RAD51B: variants seen among roughly 807,000 people sequenced by gnomAD.
The protein encoded by RAD51B is RAD51 paralog B.
In RAD51B, 38 loss-of-function variants were observed where a neutral mutation model predicts 42.2. The ratio of observed to expected loss-of-function variants is 0.90; its 90% CI spans 0.70 to 1.18. The LOEUF (loss-of-function observed/expected upper bound fraction) is 1.18, where lower values mean the gene tolerates loss of function less well. RAD51B is among the 50% of genes most tolerant of loss of function. RAD51B has a pLI of 0.00. For synonymous variants in RAD51B, 154 were observed against 145.2 expected (o/e 1.06, Z -0.43); for missense variants, 373 against 400.7 (o/e 0.93, Z 0.59).
chr14:68,431,450 G>A (rs1391124210), intron 9 of RAD51B, among the ~76,000 whole-genome samples: 2 of 152,018 alleles, frequency 1.3e-5, no homozygotes, highest in South Asian at 2.1e-4. Flanking sequence ...GTCTATTCAG[G>A]GATTCAACTT....
chr14:68,607,265 T>C (rs1891484149), intron 10 of RAD51B, among the ~76,000 whole-genome samples: 1 of 152,214 alleles, frequency 6.6e-6, no homozygotes, highest in Admixed American at 6.5e-5. Flanking sequence ...CACTTCTGTT[T>C]GCTCTCCATT....
chr14:67,850,281 C>T (rs761558174), intron 4 of RAD51B, among the ~76,000 whole-genome samples: 5 of 152,220 alleles, frequency 3.3e-5, no homozygotes, highest in Non-Finnish European at 5.9e-5. Context: ...ACATGAGTCA[C>T]CGTGCCTGGC....
intron 8 of RAD51B, among the ~76,000 whole-genome samples, chr14:68,294,666 G>A (rs1566790401): frequency 6.6e-6 from 1 of 152,220 alleles, no homozygotes; most frequent in Non-Finnish European, 1.5e-5. Context: ...TCATGAGGTA[G>A]GTCTGAAGGT....
intron 7 of RAD51B, among the ~76,000 whole-genome samples, chr14:68,289,368 AATTGG>A (rs2081473746): frequency 6.6e-6 from 1 of 152,226 alleles, no homozygotes; most frequent in Non-Finnish European, 1.5e-5. Flanking sequence ...ACAGGATCAA[AATTGG>A]AATTTGAACC....
chr14:68,547,165 C>T (rs2140376889), intron 10 of RAD51B, among the ~76,000 whole-genome samples: 1 of 152,328 alleles, frequency 6.6e-6, no homozygotes, highest in East Asian at 1.9e-4. Flanking sequence ...AGTTCAGGTT[C>T]CGGCACGATT....
At chr14:68,280,733 A>G (rs990837923) in intron 7 of RAD51B, among the ~76,000 whole-genome samples, 2 of 152,200 alleles carry the variant, frequency 1.3e-5, no homozygotes, top group East Asian at 1.9e-4. Flanking sequence ...AAAGTCTTGT[A>G]CTAAGTTACT....
At position 68,214,283 on chromosome 14, in the gene RAD51B, T is replaced by A. The variant is rs181202488; in HGVS notation, c.757-77601T>A. Among the ~76,000 whole-genome samples, 239 of 152,176 alleles carry A rather than the reference T, an allele frequency of 1.6e-3. 1 individual carries two copies. The highest frequency in any genetic ancestry group is 2.7e-3 in the Non-Finnish European group (182 of 67,988). The stretch of plus-strand genomic sequence containing the variant: ...TTGAAGTGGGCTGAAACAAAAAAGA[T>A]CAAAATGTTACTCTAGCAGGAGGCC... On this transcript the variant is annotated intron_variant, in intron 7 of 10. Coordinates refer to ENST00000471583, the MANE Select transcript of RAD51B (RefSeq NM_133510.4).
chr14:68,613,411 T>C (rs1238600780), downstream of RAD51B, among the ~76,000 whole-genome samples: 1 of 141,298 alleles, frequency 7.1e-6, no homozygotes, highest in Admixed American at 7.3e-5. Context: ...ATAGCAAAAC[T>C]CTGTCTCAAA....
At chr14:68,066,321 A>T (rs931087271) in intron 7 of RAD51B, among the ~76,000 whole-genome samples, 1 of 133,584 alleles carries the variant, frequency 7.5e-6, no homozygotes, top group Non-Finnish European at 1.5e-5. Flanking sequence ...GGTAAAATTT[A>T]AAAAAAAGAT....
At chr14:67,929,802 C>CT (rs576226828) in intron 7 of RAD51B, among the ~76,000 whole-genome samples, 67 of 142,898 alleles carry the variant, frequency 4.7e-4, no homozygotes, top group African/African-American at 7.2e-4. Flanking sequence ...CTTTCTGTGT[C>CT]TTTTTTTTTT....
At chr14:68,010,221 G>A (rs1207058065) in intron 7 of RAD51B, among the ~76,000 whole-genome samples, 2 of 151,828 alleles carry the variant, frequency 1.3e-5, no homozygotes, top group Non-Finnish European at 3.0e-5. Flanking sequence ...ACTAAGGAGA[G>A]TTGTAAGGAG....
At chr14:68,259,290 G>A (rs1157996985) in intron 7 of RAD51B, among the ~76,000 whole-genome samples, 3 of 149,880 alleles carry the variant, frequency 2.0e-5, no homozygotes, top group East Asian at 2.0e-4. Context: ...ATCACACACC[G>A]GGGACTGTTG....
chr14:68,601,106 C>A (rs1891199143), intron 10 of RAD51B, among the ~76,000 whole-genome samples: 1 of 152,128 alleles, frequency 6.6e-6, no homozygotes, highest in Non-Finnish European at 1.5e-5. Flanking sequence ...CAAGACAGAG[C>A]AGACAAAAGA....
intron 8 of RAD51B, among the ~76,000 whole-genome samples, chr14:68,309,103 A>C (rs985245578): frequency 6.6e-6 from 1 of 152,168 alleles, no homozygotes; most frequent in Non-Finnish European, 1.5e-5. Flanking sequence ...TTTCATATTT[A>C]TCTCTTAGAA....
chr14:68,588,146 G>T (rs1890577995), intron 10 of RAD51B, among the ~76,000 whole-genome samples: 1 of 152,178 alleles, frequency 6.6e-6, no homozygotes, highest in Admixed American at 6.5e-5. Context: ...GATTCCTAAT[G>T]CCAGCTTTGT....
intron 7 of RAD51B, among the ~76,000 whole-genome samples, chr14:68,131,886 G>A (rs2077899851): frequency 6.6e-6 from 1 of 152,132 alleles, no homozygotes; most frequent in Non-Finnish European, 1.5e-5. Flanking sequence ...AGATTACTTA[G>A]CCTAAAAAAG....
In RAD51B at chr14:68,626,203, C is replaced by T. The variant is rs181685708; in HGVS notation, c.1037-24578C>T. On this transcript the variant is annotated intron_variant, in intron 10 of 11. Coordinates refer to the RAD51B transcript ENST00000488612. Reference sequence around the variant, plus strand: ...TACATGGCACAGTTAGTGAGCAGTGCAAGGTTTGTGTGGTGCAGTGTGCCA... The same window carrying T: ...TACATGGCACAGTTAGTGAGCAGTGTAAGGTTTGTGTGGTGCAGTGTGCCA... Among the ~76,000 whole-genome samples, 105 of 152,256 alleles carry T rather than the reference C, an allele frequency of 6.9e-4. 1 individual carries two copies. Among genetic ancestry groups the T allele is most frequent in the African/African-American group, 2.4e-3 (101 of 41,532 alleles).
At chr14:67,939,365 G>A (rs992500121) in intron 7 of RAD51B, among the ~76,000 whole-genome samples, 2 of 152,136 alleles carry the variant, frequency 1.3e-5, no homozygotes, top group African/African-American at 2.4e-5. Context: ...GCATGCTTTT[G>A]TATAGATCCT....
intron 10 of RAD51B, among the ~76,000 whole-genome samples, chr14:68,526,189 G>T (rs377434214): frequency 6.6e-6 from 1 of 152,158 alleles, no homozygotes; most frequent in African/African-American, 2.4e-5. Context: ...TGTTTCTATC[G>T]TTGTTATTAT....
Sources: allele counts gnomAD v4.1 joint callset (sites outside exome capture counted in the v4.1 genomes callset), GRCh38; gene constraint gnomAD v4.1.1; transcripts MANE v1.5; gene names NCBI Gene and HGNC (gene_info 2026-07-23, HGNC 2026-07-21).